The following CAMK2D variants were observed in gnomAD, a reference collection of about 807,000 sequenced individuals.
CAMK2D encodes calcium/calmodulin-dependent protein kinase type II subunit delta.
CAMK2D carries 37 observed loss-of-function variants against 84.0 expected under a neutral mutation model. The observed-to-expected ratio is 0.44, with a 90% CI of 0.34 to 0.58. The LOEUF (loss-of-function observed/expected upper bound fraction) is 0.58, where lower values mean the gene tolerates loss of function less well. Among genes scored for constraint, CAMK2D ranks in the 20% least tolerant of loss-of-function variants. The pLI, the probability that CAMK2D is intolerant of heterozygous loss-of-function variation, is 0.02. For missense variants in CAMK2D, 448 were observed against 652.5 expected (o/e 0.69, Z 3.41); for synonymous variants, 202 against 212.5 (o/e 0.95, Z 0.43).
intron 4 of CAMK2D, among the ~76,000 whole-genome samples, chr4:113,608,366 T>C (rs768974948): frequency 6.6e-6 from 1 of 152,240 alleles, no homozygotes; most frequent in Non-Finnish European, 1.5e-5. Flanking sequence ...GTCCATTATA[T>C]GAATATACTA....
rs912537066 is a variant in CAMK2D, at chr4:113,661,922, G to GAAT, written c.161-153_161-151dup. 4 of 580,448 alleles carry GAAT rather than the reference G, an allele frequency of 6.9e-6. No individual in the cohort carries two copies. The African/African-American group carries it at 7.5e-5, about 11-fold the overall frequency. 36.0% of individuals were successfully genotyped at this position (580,448 alleles called of 1,614,324 possible). On this transcript the variant is annotated intron_variant, in intron 2 of 20. Coordinates refer to ENST00000511664, the MANE Select transcript of CAMK2D (RefSeq NM_001321571.2). ...TGATAATTCAAATTTAGAATTAAGT[G>GAAT]AATAGCACATAGTTCAACAATCTAA...
At chr4:113,697,921 C>T (rs1043864125) in intron 2 of CAMK2D, among the ~76,000 whole-genome samples, 1 of 152,088 alleles carries the variant, frequency 6.6e-6, no homozygotes, top group African/African-American at 2.4e-5. Context: ...TTCTGGATCA[C>T]ACAGGAGAAA....
At position 113,682,287 on chromosome 4, in the gene CAMK2D, G is replaced by A. The variant is rs565648346; in HGVS notation, c.161-20515C>T. 2.8e-3 allele frequency among the ~76,000 whole-genome samples: 432 copies of A among 151,874 alleles called. 3 individuals are homozygous for A. The highest frequency in any genetic ancestry group is 0.01 in the African/African-American group (418 of 41,428). On this transcript the variant is annotated intron_variant, in intron 2 of 20. Coordinates refer to ENST00000511664, the MANE Select transcript of CAMK2D (RefSeq NM_001321571.2). ...ACTGCTTTAAGAGGAAAGTATATGA[G>A]AAATTTATAAAAATGTATTTTTATA...
At chr4:113,752,560 G>T (rs1488993883) in intron 2 of CAMK2D, among the ~76,000 whole-genome samples, 1 of 152,170 alleles carries the variant, frequency 6.6e-6, no homozygotes, top group East Asian at 1.9e-4. Flanking sequence ...AACCAGAAGA[G>T]TAGAACAGCT....
At chr4:113,570,496 C>T (rs1198334163) in intron 4 of CAMK2D, among the ~76,000 whole-genome samples, 16 of 152,098 alleles carry the variant, frequency 1.1e-4, no homozygotes. Flanking sequence ...CAAATACATA[C>T]ATTTATGGTC....
chr4:113,678,148 C>T (rs983910419), intron 2 of CAMK2D, among the ~76,000 whole-genome samples: 2 of 152,080 alleles, frequency 1.3e-5, no homozygotes, highest in Non-Finnish European at 2.9e-5. Flanking sequence ...GCTAGGTTAA[C>T]TCAAGCCCCG....
At chr4:113,623,104 G>A (rs1475022236) in intron 3 of CAMK2D, among the ~76,000 whole-genome samples, 1 of 152,104 alleles carries the variant, frequency 6.6e-6, no homozygotes, top group Non-Finnish European at 1.5e-5. Flanking sequence ...AACTGATGAT[G>A]CTGAAAATGA....
chr4:113,502,459 C>CAA (rs201097741), intron 15 of CAMK2D, among the ~76,000 whole-genome samples: 3,781 of 73,570 alleles, frequency 0.051, 221 homozygotes, highest in African/African-American at 0.17. Flanking sequence ...AACCAAAAAC[C>CAA]AAAAAAAAAA....
rs1382493535 is a variant in CAMK2D at position 113,517,652 on chromosome 4, T to C, written c.607A>G (p.Ile203Val). The C allele has an allele frequency of 1.4e-6, 2 of 1,471,076 alleles. No homozygotes were observed. Among genetic ancestry groups the C allele is most frequent in the South Asian group, 1.1e-5 (1 of 87,552 alleles). 91.1% of individuals were successfully genotyped at this position (1,471,076 alleles called of 1,614,324 possible). A position where few individuals can be genotyped will look rare whatever the true frequency, so the allele number is the denominator to read the frequency against. ...KPVDMWACGVILYILLVGYPP... is the reference protein window; with the variant it reads ...KPVDMWACGVVLYILLVGYPP... Reference sequence around the variant, plus strand: ...TACCCCACAAGTAGAATATAGAGAATGACACCTGGAGGAGAATATAATGTT... The same window carrying C: ...TACCCCACAAGTAGAATATAGAGAACGACACCTGGAGGAGAATATAATGTT... The change falls in exon 9 of 21, where the codon ATT becomes GTT. Residue 203 changes from isoleucine (I) to valine (V), a missense_variant. Physicochemically the swap from Ile to Val is conservative, Grantham distance 29. Around this residue, in one of 7 missense-constraint regions of CAMK2D, gnomAD observed 69 missense variants for 175.6 expected, o/e 0.39. Coordinates refer to ENST00000511664, the MANE Select transcript of CAMK2D (RefSeq NM_001321571.2).
intron 3 of CAMK2D, among the ~76,000 whole-genome samples, chr4:113,620,047 T>C (rs936849884): frequency 3.9e-5 from 6 of 152,178 alleles, no homozygotes; most frequent in African/African-American, 1.4e-4. Context: ...AAGAGAATGA[T>C]AGAAAACTGC....
chr4:113,658,464 T>A (rs7699746), intron 3 of CAMK2D, among the ~76,000 whole-genome samples: 10,796 of 152,158 alleles, frequency 0.071, 1,090 homozygotes, highest in African/African-American at 0.23. Context: ...CCTTCCTCCC[T>A]TCTTTTAGGT....
rs150093146 is a variant in CAMK2D at position 113,581,888 on chromosome 4, T to C, written c.275+27264A>G. Reference sequence around the variant, plus strand: ...AGGGGAAAGTCAGATAATTCAATTATAAGTTCAGCTAGGCCTCTGGGAAAC... The same window carrying C: ...AGGGGAAAGTCAGATAATTCAATTACAAGTTCAGCTAGGCCTCTGGGAAAC... On this transcript the variant is annotated intron_variant, in intron 4 of 20. Coordinates refer to ENST00000511664, the MANE Select transcript of CAMK2D (RefSeq NM_001321571.2). Among the ~76,000 whole-genome samples, 997 of 152,320 alleles carry C rather than the reference T, an allele frequency of 6.5e-3. 7 individuals are homozygous for C. Among genetic ancestry groups the C allele is most frequent in the Middle Eastern group, 0.014 (4 of 294 alleles).
intron 2 of CAMK2D, among the ~76,000 whole-genome samples, chr4:113,693,886 A>G (rs2099395455): frequency 6.6e-6 from 1 of 152,208 alleles, no homozygotes; most frequent in Admixed American, 6.5e-5. Context: ...GAACCCAAAT[A>G]GGAAGACATA....
At chr4:113,706,509 C>T (rs916603787) in intron 2 of CAMK2D, among the ~76,000 whole-genome samples, 1 of 152,040 alleles carries the variant, frequency 6.6e-6, no homozygotes, top group African/African-American at 2.4e-5. Flanking sequence ...GCTAGTAACT[C>T]CTAAGAAACA....
intron 4 of CAMK2D, among the ~76,000 whole-genome samples, chr4:113,602,354 AGTATGCCACTT>A (rs2098956833): frequency 6.6e-6 from 1 of 152,242 alleles, no homozygotes. Context: ...GTCACTCCAA[AGTATGCCACTT>A]GTAAAAATTA....
intron 16 of CAMK2D, among the ~76,000 whole-genome samples, chr4:113,484,067 T>C (rs565372882): frequency 6.6e-6 from 1 of 152,240 alleles, no homozygotes; most frequent in East Asian, 1.9e-4. Context: ...ACAAAGAATT[T>C]AATTACAGAC....
At chr4:113,514,212 A>G (rs1047408958) in intron 10 of CAMK2D, among the ~76,000 whole-genome samples, 1 of 152,168 alleles carries the variant, frequency 6.6e-6, no homozygotes. Context: ...CAGGAGTTTG[A>G]GACCAGCCTG....
intron 4 of CAMK2D, among the ~76,000 whole-genome samples, chr4:113,580,500 T>G (rs17592623): frequency 6.6e-6 from 1 of 152,184 alleles, no homozygotes; most frequent in East Asian, 1.9e-4. Flanking sequence ...TTAGAAAAGA[T>G]ATTCAGAAAA....
chr4:113,524,613 T>C (rs1471530466), intron 8 of CAMK2D, among the ~76,000 whole-genome samples: 1 of 152,220 alleles, frequency 6.6e-6, no homozygotes, highest in Non-Finnish European at 1.5e-5. Context: ...GGTGTACACA[T>C]ATTTCTTCAA....
Sources: gnomAD v4.1 joint callset for allele counts (sites outside exome capture counted in the v4.1 genomes callset) on GRCh38, gnomAD v4.1.1 for gene constraint, gnomAD v4.1.1 regional missense constraint, MANE v1.5 for transcripts, NCBI Gene and HGNC (gene_info 2026-07-23, HGNC 2026-07-21) for gene names.